Variants in SNAPC1 observed in about 807,000 individuals in gnomAD.
SNAPC1 encodes the protein snRNA-activating protein complex subunit 1.
SNAPC1 carries 42 observed loss-of-function variants against 50.1 expected under a neutral mutation model. That is an observed-to-expected ratio of 0.84 (90% CI 0.65 to 1.08). The LOEUF (loss-of-function observed/expected upper bound fraction) is 1.08. SNAPC1 is among the 50% of genes least tolerant of loss of function. The pLI is 0.00. For synonymous variants in SNAPC1, 164 were observed against 144.2 expected, an observed-to-expected ratio of 1.14 and a Z score of -0.98; for missense variants, 477 against 427.3, an observed-to-expected ratio of 1.12 and a Z score of -1.02.
chr14:61,787,015 CTG>C lies in SNAPC1; in HGVS notation c.976+4621_976+4622del, dbSNP rs1413059134. Among the ~76,000 whole-genome samples, 14 of 152,276 alleles carry C rather than the reference CTG, an allele frequency of 9.2e-5. No individual in the cohort carries two copies. In the South Asian group the frequency reaches 2.9e-3, roughly 32 times the overall value. ...TAGATGAATCTGAATTCAGTGTGCT[CTG>C]TGAAAGAAGACAGACACAAAAGGCT... On this transcript the variant is annotated intron_variant, in intron 8 of 9. Coordinates refer to ENST00000216294, the MANE Select transcript of SNAPC1 (RefSeq NM_003082.4).
At chr14:61,765,674 A>G (rs2044942049) in intron 1 of SNAPC1, among the ~76,000 whole-genome samples, 1 of 152,190 alleles carries the variant, frequency 6.6e-6, no homozygotes, top group Non-Finnish European at 1.5e-5. Context: ...GGTTTGCCCT[A>G]AGCAGTTTCC....
intron 8 of SNAPC1, among the ~76,000 whole-genome samples, chr14:61,789,036 G>T (rs573180549): frequency 2.0e-5 from 3 of 152,200 alleles, no homozygotes; most frequent in South Asian, 4.1e-4. Context: ...TTCAAAACCA[G>T]CCTGGCCAAT....
intron 8 of SNAPC1, 150 bp downstream of exon 8, chr14:61,782,547 A>G (rs1295459352): frequency 5.0e-6 from 3 of 597,978 alleles, no homozygotes; most frequent in Admixed American, 6.9e-5. Context: ...ATTCTGTTAG[A>G]TTCTTGGAAT....
intron 7 of SNAPC1, 140 bp from the exon 8 acceptor site, chr14:61,782,107 A>G (rs2045079171): frequency 1.7e-6 from 1 of 601,202 alleles, no homozygotes; most frequent in Non-Finnish European, 2.7e-6. Flanking sequence ...TAAGCCAGCC[A>G]GGGGTAATAG....
Position 61,784,333 on chromosome 14 carries a change from C to T in SNAPC1, c.976+1936C>T, listed in dbSNP as rs1168429601. ...CACAAAAATACCTTGACTGAGTACA[C>T]TTATTTCAGGATGCATTCAGAATCT... is the stretch of plus-strand genomic sequence containing the variant. On this transcript the variant is annotated intron_variant, in intron 8 of 9. Transcript: ENST00000216294. Among the ~76,000 whole-genome samples, 5 of 152,274 alleles carry T rather than the reference C, an allele frequency of 3.3e-5. No homozygotes were observed. In the East Asian group the frequency reaches 7.7e-4, roughly 23 times the overall value.
rs774713306 is a variant in SNAPC1 at position 61,767,026 on chromosome 14, A to G, written c.279A>G (p.Pro93=). 1.9e-6 allele frequency: 3 copies of G among 1,565,838 alleles called. No individual in the cohort carries two copies. In the African/African-American group the frequency reaches 4.1e-5, roughly 21 times the overall value. ...TATATAATACCCAACTGTGTCAACC[A>G]AAACAAAAGGTAATACTTAGTGAGT... The part of the protein sequence containing the change: ...YGLYNTQLCQ[P]KQKIRVALKD... Residue 93 remains proline, a synonymous_variant, in exon 2 of 10, where the codon CCA becomes CCG. Coordinates refer to ENST00000216294, the MANE Select transcript of SNAPC1 (RefSeq NM_003082.4).
At chr14:61,762,703 A>G in intron 1 of SNAPC1, 115 bp downstream of exon 1, 1 of 1,276,916 alleles carries the variant, frequency 7.8e-7, no homozygotes, top group Non-Finnish European at 1.1e-6. Flanking sequence ...CAGTCACCGA[A>G]GGTTGCCTCC....
intron 8 of SNAPC1, among the ~76,000 whole-genome samples, chr14:61,790,398 C>T (rs1480496358): frequency 3.9e-5 from 6 of 152,162 alleles, no homozygotes; most frequent in African/African-American, 7.2e-5. Flanking sequence ...TGCAGTGGCA[C>T]GATCTCGGCT....
At chr14:61,789,883 G>C (rs116322005) in intron 8 of SNAPC1, among the ~76,000 whole-genome samples, 1 of 152,124 alleles carries the variant, frequency 6.6e-6, no homozygotes, top group Non-Finnish European at 1.5e-5. Flanking sequence ...ATGGTAGGTA[G>C]CTGGGAACAA....
intron 7 of SNAPC1, among the ~76,000 whole-genome samples, chr14:61,780,965 T>G (rs2045067773): frequency 1.3e-5 from 2 of 152,184 alleles, no homozygotes; most frequent in Non-Finnish European, 2.9e-5. Flanking sequence ...ATGACAATCA[T>G]TTACATAGTA....
At position 61,792,383 on chromosome 14, in the gene SNAPC1, G is replaced by A. The variant is rs530112810; in HGVS notation, c.977-424G>A. 2.0e-5 allele frequency among the ~76,000 whole-genome samples: 3 copies of A among 152,178 alleles called. No homozygotes were observed. The South Asian group carries it at 6.2e-4, about 32-fold the overall frequency. On this transcript the variant is annotated intron_variant, in intron 8 of 9. Coordinates refer to ENST00000216294, the MANE Select transcript of SNAPC1 (RefSeq NM_003082.4). ...GGAATATATCTTGTAGAGCATATGTGGTGAGAAAAGAAAGTATGTTCACAT... is the reference window on the plus strand; with the variant it reads ...GGAATATATCTTGTAGAGCATATGTAGTGAGAAAAGAAAGTATGTTCACAT...
chr14:61,775,324 T>C (rs1244367271), intron 4 of SNAPC1, among the ~76,000 whole-genome samples: 1 of 151,892 alleles, frequency 6.6e-6, no homozygotes, highest in Non-Finnish European at 1.5e-5. Context: ...GGTTCAATCT[T>C]GGCTCACTGC....
intron 6 of SNAPC1, 99 bp from the exon 7 acceptor site, chr14:61,778,749 G>T: frequency 2.6e-6 from 2 of 761,192 alleles, no homozygotes; most frequent in Non-Finnish European, 4.5e-6. Flanking sequence ...CCTACATTGT[G>T]TCTGAAATCT....
At chr14:61,787,594 T>C (rs2045124178) in intron 8 of SNAPC1, among the ~76,000 whole-genome samples, 1 of 152,196 alleles carries the variant, frequency 6.6e-6, no homozygotes. Flanking sequence ...AACAGCTGGA[T>C]TGGTTACAGC....
In SNAPC1 at chr14:61,764,612, A is replaced by T. The variant is rs1387839368; in HGVS notation, c.128+2024A>T. On this transcript the variant is annotated intron_variant, in intron 1 of 9. Transcript: ENST00000216294. ...ACAAAGATAGTGGATTGTAGAGCAG[A>T]TGTTGGAAACTATGTATCTGCCTGT... Among the ~76,000 whole-genome samples the T allele has an allele frequency of 3.9e-5, 6 of 152,354 alleles. No individual in the cohort carries two copies. In the East Asian group the frequency reaches 7.7e-4, roughly 20 times the overall value.
At chr14:61,762,950 A>G (rs188824303) in intron 1 of SNAPC1, among the ~76,000 whole-genome samples, 2 of 146,824 alleles carry the variant, frequency 1.4e-5, no homozygotes, top group East Asian at 4.1e-4. Flanking sequence ...TTCAAGATTG[A>G]ATTAATTTTT....
rs192027555 is a variant in SNAPC1, at chr14:61,765,203, T to A, written c.129-1673T>A. 5.8e-3 allele frequency among the ~76,000 whole-genome samples: 880 copies of A among 152,324 alleles called. 11 individuals are homozygous for A. The highest frequency in any genetic ancestry group is 0.021 in the African/African-American group (855 of 41,572). ...TTTTTAAGGCCTTGTTTTTTAAAAT[T>A]TTTTGTTAACTTAGCACAGCAGAAC... On this transcript the variant is annotated intron_variant, in intron 1 of 9. Transcript: ENST00000216294.
chr14:61,782,150 C>A, intron 7 of SNAPC1, 97 bp from the exon 8 acceptor site: 2 of 957,676 alleles, frequency 2.1e-6, no homozygotes, highest in Non-Finnish European at 3.1e-6. Context: ...TTCTGTAAAT[C>A]TTTCCTCATC....
At chr14:61,771,688 A>G (rs2044992554) in intron 4 of SNAPC1, among the ~76,000 whole-genome samples, 1 of 152,200 alleles carries the variant, frequency 6.6e-6, no homozygotes, top group Non-Finnish European at 1.5e-5. Context: ...GGTTGTATAT[A>G]GGAGAGGTAG....
Sources: allele counts gnomAD v4.1 joint callset (sites outside exome capture counted in the v4.1 genomes callset), GRCh38; gene constraint gnomAD v4.1.1; transcripts MANE v1.5; gene names NCBI Gene and HGNC (gene_info 2026-07-23, HGNC 2026-07-21).